The following KIF21B variants were observed in gnomAD, a reference collection of about 807,000 sequenced individuals.
KIF21B encodes the protein kinesin family member 21B.
Under a neutral mutation model 192.9 loss-of-function variants are expected in KIF21B, and 85 were observed. That is an observed-to-expected ratio of 0.44 (90% CI 0.37 to 0.53). KIF21B has a LOEUF of 0.53. Among genes scored for constraint, KIF21B ranks in the 20% least tolerant of loss-of-function variants. The pLI is 0.00. For synonymous variants in KIF21B, 832 were observed against 884.6 expected (o/e 0.94, Z 1.05); for missense variants, 1,716 against 2,194.8 (o/e 0.78, Z 4.36).
At chr1:200,981,346 G>A (rs982471615) in intron 28 of KIF21B, among the ~76,000 whole-genome samples, 1 of 152,230 alleles carries the variant, frequency 6.6e-6, no homozygotes, top group Admixed American at 6.5e-5. Flanking sequence ...AAGCAAACCC[G>A]GTGTTAGGCA....
chr1:200,992,575 C>T (rs1571934741), intron 15 of KIF21B, among the ~76,000 whole-genome samples, 186 bp from the exon 16 acceptor site: 2 of 152,264 alleles, frequency 1.3e-5, no homozygotes, highest in East Asian at 3.8e-4. Context: ...GCTTAAGCCG[C>T]CTGGGCAAGC....
chr1:200,970,249 C>G lies in KIF21B; in HGVS notation c.*3272G>C, dbSNP rs932798918. Reference sequence around the variant, plus strand: ...AGGCACATGAGAAAGTCCCCGCAACCTTGTGTTTTCCCCATGTGGTTTTGT... The same window carrying G: ...AGGCACATGAGAAAGTCCCCGCAACGTTGTGTTTTCCCCATGTGGTTTTGT... On this transcript the variant is annotated 3_prime_UTR_variant, in exon 35 of 35. Transcript: ENST00000461742. 4 of 152,948 alleles carry G rather than the reference C, an allele frequency of 2.6e-5. No homozygotes were observed. The highest frequency in any genetic ancestry group is 9.6e-5 in the African/African-American group (4 of 41,488). The allele number at this position is 152,948 out of a possible 1,614,324, so 9.5% of individuals were successfully genotyped here.
At chr1:201,009,242 T>A (rs746136092) in intron 2 of KIF21B, 24 bp downstream of exon 2, 2 of 1,603,754 alleles carry the variant, frequency 1.2e-6, no homozygotes, top group Non-Finnish European at 1.7e-6. Flanking sequence ...GGAGCCGCCA[T>A]AGGTGGGCGT....
At chr1:201,002,459 AT>A in intron 8 of KIF21B, 109 bp from the exon 9 acceptor site, 1 of 942,796 alleles carries the variant, frequency 1.1e-6, no homozygotes, top group Non-Finnish European at 1.6e-6. Flanking sequence ...TCCCCTGGAT[AT>A]GGCGCATCAC....
chr1:200,991,773 C>A (rs1656718492), intron 16 of KIF21B, 48 bp from the exon 17 acceptor site: 2 of 1,591,038 alleles, frequency 1.3e-6, no homozygotes, highest in East Asian at 2.3e-5. Flanking sequence ...GCACCTTAGC[C>A]CTCTCTGTCT....
rs75197421 is a variant in KIF21B at position 200,988,021 on chromosome 1, G to A, written c.3408+275C>T. Among the ~76,000 whole-genome samples the A allele has an allele frequency of 3.2e-3, 485 of 152,300 alleles. 5 individuals carry two copies. The highest frequency in any genetic ancestry group is 0.011 in the African/African-American group (476 of 41,552). ...GGATATTTTTGAAAGCAGGGCCCCT[G>A]GTTATGGTGCTGTTGCTAGCAGGGT... On this transcript the variant is annotated intron_variant, in intron 24 of 34. Coordinates refer to ENST00000461742, the MANE Select transcript of KIF21B (RefSeq NM_001252102.2).
intron 7 of KIF21B, 60 bp downstream of exon 7, chr1:201,004,280 T>C: frequency 7.2e-7 from 1 of 1,393,792 alleles, no homozygotes; most frequent in East Asian, 2.5e-5. Context: ...CACACAGCAC[T>C]ATTTTCCAGG....
chr1:201,006,872 A>G (rs1657856329), intron 3 of KIF21B, among the ~76,000 whole-genome samples: 1 of 151,686 alleles, frequency 6.6e-6, no homozygotes, highest in South Asian at 2.1e-4. Context: ...ACACACACAC[A>G]CAGACACAGA....
chr1:200,997,164 T>A (rs1256317758), intron 14 of KIF21B, among the ~76,000 whole-genome samples: 2 of 152,194 alleles, frequency 1.3e-5, no homozygotes, highest in Non-Finnish European at 2.9e-5. Flanking sequence ...TGCTTTTAAA[T>A]TTGGTATCAC....
intron 14 of KIF21B, 89 bp from the exon 15 acceptor site, chr1:200,996,484 C>G: frequency 8.9e-7 from 1 of 1,128,830 alleles, no homozygotes; most frequent in Non-Finnish European, 1.3e-6. Context: ...CAGGAACCCT[C>G]TGTTCCAGTC....
Position 200,971,682 on chromosome 1 carries a change from C to T in KIF21B, c.*1839G>A. On this transcript the variant is annotated 3_prime_UTR_variant, in exon 35 of 35. Coordinates refer to ENST00000461742, the MANE Select transcript of KIF21B (RefSeq NM_001252102.2). ...ACAGACTGTTCAGGTCCCAGGAGACCAGCATCCAAGGGGGTCTCCTTCCTG... is the reference window on the plus strand; with the variant it reads ...ACAGACTGTTCAGGTCCCAGGAGACTAGCATCCAAGGGGGTCTCCTTCCTG... 6.6e-6 allele frequency: 1 copy of T among 152,498 alleles called. No homozygotes were observed. Among genetic ancestry groups the T allele is most frequent in the East Asian group, 1.9e-4 (1 of 5,256 alleles). The allele number at this position is 152,498 out of a possible 1,614,324, so 9.4% of individuals were successfully genotyped here.
At position 200,990,377 on chromosome 1, in the gene KIF21B, T is replaced by A. The variant is rs372414508; in HGVS notation, c.2836-45A>T. On this transcript the variant is annotated intron_variant, in intron 19 of 34. Coordinates refer to ENST00000461742, the MANE Select transcript of KIF21B (RefSeq NM_001252102.2). This position sits in a 1 kb window ranked among gnomAD's most constrained non-coding sequence, Gnocchi z 5.4. ...TGGTGATTGTGATGAAGGAGAGGCC[T>A]CAGGTAGCTGCCAAGCCCTGCCCAT... 2.5e-5 allele frequency: 39 copies of A among 1,549,096 alleles called. No individual in the cohort carries two copies. Among genetic ancestry groups the A allele is most frequent in the Admixed American group, 3.7e-5 (2 of 53,624 alleles).
intron 15 of KIF21B, among the ~76,000 whole-genome samples, chr1:200,994,912 G>C (rs1656950817): frequency 3.9e-5 from 6 of 152,226 alleles, no homozygotes; most frequent in Admixed American, 3.9e-4. Context: ...GTCCACACTT[G>C]AGTCTCAACA....
chr1:200,996,178 C>T lies in KIF21B; in HGVS notation c.2277+18G>A, dbSNP rs1182344371. The T allele has an allele frequency of 3.1e-6, 5 of 1,612,030 alleles. 1 individual carries two copies. Among genetic ancestry groups the T allele is most frequent in the Admixed American group, 3.3e-5 (2 of 60,030 alleles). The stretch of plus-strand genomic sequence containing the variant: ...CACAGGCACTCCAGGCCCCACTCCT[C>T]ACACCCTCGGCCCCTACCTTGGCCT... On this transcript the variant is annotated intron_variant, in intron 15 of 34. Coordinates refer to ENST00000461742, the MANE Select transcript of KIF21B (RefSeq NM_001252102.2).
chr1:201,023,294 A>G lies in KIF21B; in HGVS notation c.41+49T>C. The G allele has an allele frequency of 6.7e-7, 1 of 1,483,802 alleles. No individual in the cohort carries two copies. Among genetic ancestry groups the G allele is most frequent in the South Asian group, 1.3e-5 (1 of 79,782 alleles). The allele number at this position is 1,483,802 out of a possible 1,614,324, so 91.9% of individuals were successfully genotyped here. The stretch of plus-strand genomic sequence containing the variant: ...CCCCCGCCCAAAGCCCACGCGAGAC[A>G]AAGCCCGAGGCTTCTCCGCGCGCCC... On this transcript the variant is annotated intron_variant, in intron 1 of 34. Transcript: ENST00000461742. This position sits in a 1 kb window ranked among gnomAD's most constrained non-coding sequence, Gnocchi z 5.9.
At chr1:200,986,445 C>G (rs1354207960) in intron 26 of KIF21B, among the ~76,000 whole-genome samples, 1 of 151,560 alleles carries the variant, frequency 6.6e-6, no homozygotes, top group East Asian at 1.9e-4. Flanking sequence ...GCAATCTCTG[C>G]CTCCCAGGTT....
In KIF21B at chr1:201,000,858, AG is replaced by A; in HGVS notation, c.1403-79del. On this transcript the variant is annotated intron_variant, in intron 9 of 34. Coordinates refer to ENST00000461742, the MANE Select transcript of KIF21B (RefSeq NM_001252102.2). The surrounding 1 kb of genome is among the most constrained non-coding windows in gnomAD (Gnocchi z 6.0). The stretch of plus-strand genomic sequence containing the variant: ...CGCGGTGGCTCAGACCTATAATTCC[AG>A]CACTTTGGGAGGCCAAGGCGGGCGG... 6.7e-7 allele frequency: 1 copy of A among 1,500,686 alleles called. No homozygotes were observed. Among genetic ancestry groups the A allele is most frequent in the Non-Finnish European group, 9.3e-7 (1 of 1,079,978 alleles). 93.0% of individuals were successfully genotyped at this position (1,500,686 alleles called of 1,614,324 possible).
At position 200,999,535 on chromosome 1, in the gene KIF21B, C is replaced by T. The variant is rs1447192525; in HGVS notation, c.1768-69G>A. ...GGAGCCCAGAAGCAGAGGTGCATCC[C>T]GACACAATGCCTCAGGTGTGTCAGG... On this transcript the variant is annotated intron_variant, in intron 12 of 34. Transcript: ENST00000461742. The surrounding 1 kb of genome is among the most constrained non-coding windows in gnomAD (Gnocchi z 4.7). 8.2e-6 allele frequency: 13 copies of T among 1,576,682 alleles called. No homozygotes were observed. In the East Asian group the frequency reaches 2.0e-4, roughly 24 times the overall value.
At position 200,975,958 on chromosome 1, in the gene KIF21B, C is replaced by T. The variant is rs905905194; in HGVS notation, c.4444-289G>A. 3.3e-5 allele frequency among the ~76,000 whole-genome samples: 5 copies of T among 152,190 alleles called. No homozygotes were observed. Among genetic ancestry groups the T allele is most frequent in the African/African-American group, 9.6e-5 (4 of 41,512 alleles). On this transcript the variant is annotated intron_variant, in intron 32 of 34. Transcript: ENST00000461742. The surrounding 1 kb of genome is among the most constrained non-coding windows in gnomAD (Gnocchi z 4.3). ...GCAGGGGTGAATCAGCTCATCACGC[C>T]GAGACCCCACAGCTCAACAGGCAGC...
Sources: allele counts gnomAD v4.1 joint callset (sites outside exome capture counted in the v4.1 genomes callset), GRCh38; gene constraint gnomAD v4.1.1; non-coding constraint Gnocchi (gnomAD v3.1); transcripts MANE v1.5; gene names NCBI Gene and HGNC (gene_info 2026-07-23, HGNC 2026-07-21).